Variants in FLG observed in about 807,000 individuals in gnomAD.
The protein encoded by FLG is filaggrin.
In FLG, 6 loss-of-function variants were observed where a neutral mutation model predicts 3.8. That is an observed-to-expected ratio of 1.60 (90% confidence interval 0.87 to 3.15). FLG has a LOEUF of 3.15. Among genes scored for constraint, FLG ranks in the 30% most tolerant of loss-of-function variants. The pLI is 0.00. For missense variants in FLG, 7,595 were observed against 5,050.9 expected (o/e 1.50, Z -15.27); for synonymous variants, 2,551 against 1,931.6 (o/e 1.32, Z -8.41).
In FLG at chr1:152,309,213, C is replaced by A. The variant is rs367605513; in HGVS notation, c.5673G>T (p.Arg1891=). ...SGSRHHEASS[R]ADSSRHSQVG... ...CCTGCGAGTGTCTAGAGCTGTCGGC[C>A]CGAGAGGAAGCTTCATGGTGACGCG... Residue 1891 remains arginine, a synonymous_variant, in exon 3 of 3, where the codon CGG becomes CGT. Coordinates refer to ENST00000368799, the MANE Select transcript of FLG (RefSeq NM_002016.2). 9.9e-6 allele frequency: 16 copies of A among 1,613,294 alleles called. No homozygotes were observed. Among genetic ancestry groups the A allele is most frequent in the African/African-American group, 4.0e-5 (3 of 74,688 alleles).
At position 152,310,742 on chromosome 1, in the gene FLG, C is replaced by G. The variant is rs1168138523; in HGVS notation, c.4144G>C (p.Val1382Leu). 2 of 1,613,974 alleles carry G rather than the reference C, an allele frequency of 1.2e-6. No homozygotes were observed. The highest frequency in any genetic ancestry group is 3.3e-5 in the Admixed American group (2 of 59,996). Residue 1382 changes from valine to leucine, a missense_variant, in exon 3 of 3, where the codon GTC (valine) becomes CTC (leucine). By Grantham distance (32) the Val-to-Leu change is conservative (BLOSUM62 1). Coordinates refer to ENST00000368799, the MANE Select transcript of FLG (RefSeq NM_002016.2). ...GACCCTCGGTGTCCACTGTCTCTGA[C>G]TGCAGATGAAGCTTGTCTGTGCCCA... ...GIGHRQASSA[V>L]RDSGHRGSSG...
Position 152,313,902 on chromosome 1 carries a change from C to T in FLG, c.984G>A (p.Gln328=). ...TGGGGTGTCTGGAGCCATCTCTTGA[C>T]TGCTCCCACGCAGATCCATGATGGT... ...SRNHHGSAWE[Q]SRDGSRHPRS... Residue 328 remains glutamine (Q), a synonymous_variant, in exon 3 of 3, where the codon CAG becomes CAA. Transcript: ENST00000368799. 1 of 1,614,044 alleles carries T rather than the reference C, an allele frequency of 6.2e-7. No individual in the cohort carries two copies. Among genetic ancestry groups the T allele is most frequent in the Non-Finnish European group, 8.5e-7 (1 of 1,179,996 alleles).
chr1:152,323,641 C>G (rs942175322), intron 1 of FLG, among the ~76,000 whole-genome samples: 8 of 150,630 alleles, frequency 5.3e-5, no homozygotes, highest in African/African-American at 1.9e-4. Context: ...AAATCCTTGA[C>G]AATACCAAAT....
rs573855608 is a variant in FLG at position 152,321,749 on chromosome 1, C to G, written c.-22+3440G>C. 1.7e-4 allele frequency among the ~76,000 whole-genome samples: 26 copies of G among 151,232 alleles called. No individual in the cohort carries two copies. The South Asian group carries it at 5.4e-3, about 31-fold the overall frequency. The stretch of plus-strand genomic sequence containing the variant: ...TATTCAAAGTGAAAGAAAGAAATAA[C>G]TATAACATCACATAGATTATTTCAG... On this transcript the variant is annotated intron_variant, in intron 1 of 2. Transcript: ENST00000368799.
chr1:152,311,404 C>G lies in FLG; in HGVS notation c.3482G>C (p.Gly1161Ala), dbSNP rs770531471. ...CGGGTGTGCACGAATGGTGTCCTGA[C>G]CCTCTTGGGACGCTGAGTGCCTGGA... The part of the protein sequence containing the change: ...DSSRHSASQE[G>A]QDTIRAHPGS... Residue 1161 changes from glycine (G) to alanine (A), a missense_variant, in exon 3 of 3, where the codon GGT becomes GCT. Coordinates refer to ENST00000368799, the MANE Select transcript of FLG (RefSeq NM_002016.2). 6.2e-7 allele frequency: 1 copy of G among 1,613,358 alleles called. No homozygotes were observed. The highest frequency in any genetic ancestry group is 8.5e-7 in the Non-Finnish European group (1 of 1,179,916).
rs775547727 is a variant in FLG at position 152,310,400 on chromosome 1, T to C, written c.4486A>G (p.Ser1496Gly). ...TAGGATCCCTGCCTTCCTCCTCTGCTTGACCCCGGGTGTCCACGAATGGTG... is the reference window on the plus strand; with the variant it reads ...TAGGATCCCTGCCTTCCTCCTCTGCCTGACCCCGGGTGTCCACGAATGGTG... The part of the protein sequence containing the change: ...QDTIRGHPGS[S>G]RGGRQGSYHE... The change falls in exon 3 of 3, where the codon AGC (serine) becomes GGC (glycine). Residue 1496 changes from serine to glycine, a missense_variant. Transcript: ENST00000368799. 5.0e-6 allele frequency: 8 copies of C among 1,613,638 alleles called. No individual in the cohort carries two copies. The South Asian group carries it at 8.8e-5, about 18-fold the overall frequency.
In FLG at chr1:152,311,702, C is replaced by T. The variant is rs142133815; in HGVS notation, c.3184G>A (p.Gly1062Arg). The T allele has an allele frequency of 1.1e-3, 1,710 of 1,614,050 alleles. 4 individuals carry two copies. The highest frequency in any genetic ancestry group is 1.4e-3 in the Non-Finnish European group (1,647 of 1,180,004). Residue 1062 changes from glycine to arginine, a missense_variant, in exon 3 of 3, where the codon GGA becomes AGA. Transcript: ENST00000368799. The part of the protein sequence containing the change: ...RQASSAVRDS[G>R]HWGSSGSQAS... Reference sequence around the variant, plus strand: ...TGACTACCACTGGACCCCCAGTGTCCACTGTCTCTGACTGCAGATGAAGCT... The same window carrying T: ...TGACTACCACTGGACCCCCAGTGTCTACTGTCTCTGACTGCAGATGAAGCT...
Position 152,307,484 on chromosome 1 carries a change from A to G in FLG, c.7402T>C (p.Ser2468Pro). The G allele has an allele frequency of 1.2e-6, 2 of 1,610,346 alleles. No homozygotes were observed. The highest frequency in any genetic ancestry group is 1.7e-6 in the Non-Finnish European group (2 of 1,179,122). ...GATCCCTGCCTTCCTCCACTGCTTG[A>G]CCCCGGGTGTCCATGAATGGTGTCC... ...GQDTIHGHPGSSSGGRQGSHY... is the reference protein window; with the variant it reads ...GQDTIHGHPGPSSGGRQGSHY... Residue 2468 changes from serine to proline, a missense_variant, in exon 3 of 3, where the codon TCA becomes CCA. Coordinates refer to ENST00000368799, the MANE Select transcript of FLG (RefSeq NM_002016.2).
chr1:152,304,254 G>T lies in FLG; in HGVS notation c.10632C>A (p.Asp3544Glu), dbSNP rs958135153. ...NQGSSVSQDS[D>E]SQGHSEDSER... ...CAGAGTCTTCTGAGTGTCCCTGACT[G>T]TCACTGTCCTGGCTAACACTGGATC... The change falls in exon 3 of 3, where the codon GAC becomes GAA. Residue 3544 changes from aspartate (D) to glutamate (E), a missense_variant. Transcript: ENST00000368799. 1.2e-6 allele frequency: 2 copies of T among 1,613,122 alleles called. No homozygotes were observed. The highest frequency in any genetic ancestry group is 2.7e-5 in the African/African-American group (2 of 74,772).
Position 152,309,300 on chromosome 1 carries a change from T to C in FLG, c.5586A>G (p.Arg1862=), listed in dbSNP as rs776324814. The change falls in exon 3 of 3, where the codon AGA becomes AGG. Residue 1862 remains arginine (R), a synonymous_variant. Transcript: ENST00000368799. ...SDVSRGQSGS[R]SVSRQTRNEK... is the part of the protein sequence containing the mutation. ...CATTACGTGTTTGTCTGCTGACACT[T>C]CTGGATCCTGACTGCCCACGGGAGA... The C allele has an allele frequency of 5.6e-6, 9 of 1,613,782 alleles. No homozygotes were observed. The East Asian group carries it at 1.6e-4, about 28-fold the overall frequency.
chr1:152,308,719 G>T lies in FLG; in HGVS notation c.6167C>A (p.Thr2056Lys). Reference sequence around the variant, plus strand: ...TTTTCCCTGTGCTGACACTGACTGTGTGTCTGAGTCTTCTGAATGTCCCTC... The same window carrying T: ...TTTTCCCTGTGCTGACACTGACTGTTTGTCTGAGTCTTCTGAATGTCCCTC... ...DSEGHSEDSD[T>K]QSVSAQGKAG... Residue 2056 changes from threonine (T) to lysine (K), a missense_variant, in exon 3 of 3, where the codon ACA (threonine) becomes AAA (lysine). Physicochemically the swap from Thr to Lys is moderately conservative, Grantham distance 78. Coordinates refer to ENST00000368799, the MANE Select transcript of FLG (RefSeq NM_002016.2). 6.2e-7 allele frequency: 1 copy of T among 1,614,036 alleles called. No homozygotes were observed. The highest frequency in any genetic ancestry group is 1.1e-5 in the South Asian group (1 of 91,078).
chr1:152,314,780 A>G, intron 2 of FLG, 33 bp from the exon 3 acceptor site: 8 of 1,613,140 alleles, frequency 5.0e-6, no homozygotes, highest in Non-Finnish European at 6.8e-6. Flanking sequence ...GGGAGACTGC[A>G]TCAGACAGAA....
In FLG at chr1:152,309,709, G is replaced by T; in HGVS notation, c.5177C>A (p.Ser1726Ter). Reference protein sequence around the residue: ...GSQASDSEGHSEESDTQSVSA... With the variant: ...GSQASDSEGH ...CACTGACTGTGTGTCTGACTCTTCTGAGTGTCCCTCGCTGTCACTGGCCTG... is the reference window on the plus strand; with the variant it reads ...CACTGACTGTGTGTCTGACTCTTCTTAGTGTCCCTCGCTGTCACTGGCCTG... Residue 1726 changes from serine (S) to a stop codon, truncating the protein, a stop_gained, in exon 3 of 3, where the codon TCA becomes TAA. Transcript: ENST00000368799. LOFTEE classifies it low-confidence loss of function (END_TRUNC). 6.2e-7 allele frequency: 1 copy of T among 1,614,060 alleles called. No homozygotes were observed. Among genetic ancestry groups the T allele is most frequent in the Non-Finnish European group, 8.5e-7 (1 of 1,180,010 alleles).
Position 152,307,611 on chromosome 1 carries a change from C to G in FLG, c.7275G>C (p.Glu2425Asp), listed in dbSNP as rs1253862033. 7 of 1,613,524 alleles carry G rather than the reference C, an allele frequency of 4.3e-6. No individual in the cohort carries two copies. The African/African-American group carries it at 5.4e-5, about 12-fold the overall frequency. The part of the protein sequence containing the change: ...LYQVSTHEQS[E>D]SAHGRTGTST... ...TGGTCCCGGTCCGTCCATGGGCGGA[C>G]TCAGACTGTTCATGAGTGCTCACCT... Residue 2425 changes from glutamate to aspartate, a missense_variant, in exon 3 of 3, where the codon GAG (glutamate) becomes GAC (aspartate). Transcript: ENST00000368799.
rs145995543 is a variant in FLG at position 152,310,245 on chromosome 1, C to T, written c.4641G>A (p.Glu1547=). 4 of 1,613,478 alleles carry T rather than the reference C, an allele frequency of 2.5e-6. No individual in the cohort carries two copies. In the African/African-American group the frequency reaches 4.0e-5, roughly 16 times the overall value. The stretch of plus-strand genomic sequence containing the variant: ...GCCTGGAGCCGTCTCCTGATTGTTC[C>T]TCATTTCTTGTTTGCCTGCTTGCAC... ...PRSASRQTRN[E]EQSGDGSRHS... Residue 1547 remains glutamate, a synonymous_variant, in exon 3 of 3, where the codon GAG becomes GAA. Coordinates refer to ENST00000368799, the MANE Select transcript of FLG (RefSeq NM_002016.2).
Position 152,311,427 on chromosome 1 carries a change from G to A in FLG, c.3459C>T (p.Ser1153=), listed in dbSNP as rs762134967. The A allele has an allele frequency of 1.2e-6, 2 of 1,613,968 alleles. No individual in the cohort carries two copies. The highest frequency in any genetic ancestry group is 2.2e-5 in the South Asian group (2 of 91,062). The change falls in exon 3 of 3, where the codon TCC becomes TCT. Residue 1153 remains serine (S), a synonymous_variant. Transcript: ENST00000368799. The part of the protein sequence containing the change: ...GSHHEQARDS[S]RHSASQEGQD... ...GACCCTCTTGGGACGCTGAGTGCCT[G>A]GAGCTGTCTCGTGCCTGCTCGTGGT...
Position 152,309,606 on chromosome 1 carries a change from T to A in FLG, c.5280A>T (p.Gly1760=). The part of the protein sequence containing the change: ...STRGQSGERS[G]RSGSFLYQVS... ...CCTGGTAGAGGAAAGACCCTGAACG[T>A]CCAGACCTTTCCCCTGACTGGCCAC... The change falls in exon 3 of 3, where the codon GGA becomes GGT. Residue 1760 remains glycine (G), a synonymous_variant. Transcript: ENST00000368799. 1.2e-6 allele frequency: 2 copies of A among 1,613,840 alleles called. No individual in the cohort carries two copies. The highest frequency in any genetic ancestry group is 1.7e-6 in the Non-Finnish European group (2 of 1,179,976).
At position 152,302,571 on chromosome 1, in the gene FLG, T is replaced by C. The variant is rs1651675419; in HGVS notation, c.*129A>G. 4.2e-6 allele frequency: 5 copies of C among 1,184,310 alleles called. No homozygotes were observed. The highest frequency in any genetic ancestry group is 4.7e-6 in the Non-Finnish European group (4 of 856,026). The allele number at this position is 1,184,310 out of a possible 1,614,324, so 73.4% of individuals were successfully genotyped here. ...ATAAGCTACCACCAAACTAATGAAA[T>C]ACTATAGCATATTTTAAACAGATTG... On this transcript the variant is annotated 3_prime_UTR_variant, in exon 3 of 3. Coordinates refer to ENST00000368799, the MANE Select transcript of FLG (RefSeq NM_002016.2).
chr1:152,315,842 T>C (rs1652770312), intron 1 of FLG, among the ~76,000 whole-genome samples: 3 of 152,194 alleles, frequency 2.0e-5, no homozygotes, highest in Admixed American at 2.0e-4. Context: ...ACAAATTTAC[T>C]GAAAATTACT....
Sources: allele counts gnomAD v4.1 joint callset (sites outside exome capture counted in the v4.1 genomes callset), GRCh38; gene constraint gnomAD v4.1.1; transcripts MANE v1.5; gene names NCBI Gene and HGNC (gene_info 2026-07-23, HGNC 2026-07-21).